Variants in SDCCAG8 observed in about 807,000 individuals in gnomAD.
SDCCAG8 encodes SHH signaling and ciliogenesis regulator SDCCAG8, also known as serologically defined colon cancer antigen 8.
A neutral mutation model predicts 101.8 loss-of-function variants in SDCCAG8; 74 were observed. The observed-to-expected ratio is 0.73, with a 90% CI of 0.60 to 0.88. The LOEUF is 0.88. Among genes scored for constraint, SDCCAG8 ranks in the 40% least tolerant of loss-of-function variants. The probability of loss-of-function intolerance (pLI) is 0.00; values close to 1 mark genes in which losing one functional copy is unlikely to be tolerated. For missense variants in SDCCAG8, 787 were observed against 822.6 expected (o/e 0.96, Z 0.53); for synonymous variants, 281 against 292.9 (o/e 0.96, Z 0.41).
At chr1:243,323,205 C>G (rs1347376112) in intron 9 of SDCCAG8, among the ~76,000 whole-genome samples, 1 of 151,840 alleles carries the variant, frequency 6.6e-6, no homozygotes. Context: ...GTTGTAGGTA[C>G]TGTTGAACAA....
chr1:243,432,421 T>C (rs930326181), intron 16 of SDCCAG8, among the ~76,000 whole-genome samples: 2 of 152,136 alleles, frequency 1.3e-5, no homozygotes, highest in African/African-American at 4.8e-5. Context: ...GACAAATAAC[T>C]AATGGGTACT....
At chr1:243,415,652 T>G in intron 13 of SDCCAG8, 50 bp from the exon 14 acceptor site, 2 of 1,612,876 alleles carry the variant, frequency 1.2e-6, no homozygotes, top group Non-Finnish European at 1.7e-6. Flanking sequence ...ATGATGGGGG[T>G]TTGTGCATCT....
chr1:243,293,370 A>T lies in SDCCAG8; in HGVS notation c.675+151A>T, dbSNP rs781758233. Reference sequence around the variant, plus strand: ...TATCTGCATTAAGTACATTCATGTCACTCAATCATAAACATTATCCATTTT... The same window carrying T: ...TATCTGCATTAAGTACATTCATGTCTCTCAATCATAAACATTATCCATTTT... On this transcript the variant is annotated intron_variant, in intron 6 of 17. Coordinates refer to ENST00000366541, the MANE Select transcript of SDCCAG8 (RefSeq NM_006642.5). The T allele has an allele frequency of 1.7e-5, 14 of 820,732 alleles. No individual in the cohort carries two copies. The South Asian group carries it at 2.0e-4, about 12-fold the overall frequency. The allele number at this position is 820,732 out of a possible 1,614,324, so 50.8% of individuals were successfully genotyped here.
chr1:243,260,777 A>G (rs73118303), intron 1 of SDCCAG8, among the ~76,000 whole-genome samples: 8,349 of 152,242 alleles, frequency 0.055, 751 homozygotes, highest in African/African-American at 0.19. Flanking sequence ...ATGATTTTCT[A>G]TATACATTTT....
chr1:243,294,526 A>AG (rs1553298249), intron 6 of SDCCAG8, among the ~76,000 whole-genome samples: 5 of 147,652 alleles, frequency 3.4e-5, no homozygotes, highest in Admixed American at 6.8e-5. Flanking sequence ...AGAGAGAGAG[A>AG]ACAACCCACC....
At chr1:243,290,269 C>T (rs1330411798) in intron 5 of SDCCAG8, among the ~76,000 whole-genome samples, 3 of 147,066 alleles carry the variant, frequency 2.0e-5, no homozygotes, top group Admixed American at 6.9e-5. Flanking sequence ...AAGGATTTAA[C>T]ATACTTAGGT....
At chr1:243,440,109 T>C (rs768740455) in intron 16 of SDCCAG8, among the ~76,000 whole-genome samples, 1 of 152,194 alleles carries the variant, frequency 6.6e-6, no homozygotes, top group Non-Finnish European at 1.5e-5. Context: ...CTGTTGACCT[T>C]GTGCAAGTTA....
At chr1:243,429,926 C>A (rs552945674) in intron 16 of SDCCAG8, among the ~76,000 whole-genome samples, 109 of 152,064 alleles carry the variant, frequency 7.2e-4, no homozygotes, top group African/African-American at 2.6e-3. Flanking sequence ...TGGTCTCAAA[C>A]TCCTGACCTG....
intron 3 of SDCCAG8, among the ~76,000 whole-genome samples, chr1:243,273,676 A>G (rs2068281497): frequency 6.6e-6 from 1 of 152,184 alleles, no homozygotes; most frequent in African/African-American, 2.4e-5. Context: ...CTTGGCATCA[A>G]ACGCTTCCTA....
Position 243,412,830 on chromosome 1 carries a change from G to A in SDCCAG8, c.1617-2872G>A, listed in dbSNP as rs184326798. ...CTTCAAATTCTTTGTGACCCTTGGG[G>A]ATTTTTAAGTAGGTTTTTTTTTTCC... On this transcript the variant is annotated intron_variant, in intron 13 of 17. Coordinates refer to ENST00000366541, the MANE Select transcript of SDCCAG8 (RefSeq NM_006642.5). Among the ~76,000 whole-genome samples, 6 of 137,114 alleles carry A rather than the reference G, an allele frequency of 4.4e-5. No homozygotes were observed. The Admixed American group carries it at 4.9e-4, about 11-fold the overall frequency. The allele number at this position is 137,114 out of a possible 152,430, so 90.0% of individuals were successfully genotyped here.
Position 243,290,583 on chromosome 1 carries a change from A to G in SDCCAG8, c.547-2508A>G, listed in dbSNP as rs115324984. Reference sequence around the variant, plus strand: ...TCTCAAGTCCCTTACTTGATTCTTTAGCTTCATCTTCTGACATTCATCACC... The same window carrying G: ...TCTCAAGTCCCTTACTTGATTCTTTGGCTTCATCTTCTGACATTCATCACC... On this transcript the variant is annotated intron_variant, in intron 5 of 17. Coordinates refer to ENST00000366541, the MANE Select transcript of SDCCAG8 (RefSeq NM_006642.5). Among the ~76,000 whole-genome samples, 244 of 152,218 alleles carry G rather than the reference A, an allele frequency of 1.6e-3. 1 individual carries two copies. The highest frequency in any genetic ancestry group is 5.6e-3 in the African/African-American group (233 of 41,534).
chr1:243,416,287 GC>G lies in SDCCAG8; in HGVS notation c.1744+460del, dbSNP rs1327305885. Among the ~76,000 whole-genome samples, 1 of 152,152 alleles carries G rather than the reference GC, an allele frequency of 6.6e-6. No individual in the cohort carries two copies. The highest frequency in any genetic ancestry group is 2.4e-5 in the African/African-American group (1 of 41,438). Reference sequence around the variant, plus strand: ...TACACACATTATAGCTACTCTAAAAGCCTAATGAGTTTGCTTCAGCATCCAA... The same window carrying G: ...TACACACATTATAGCTACTCTAAAAGCTAATGAGTTTGCTTCAGCATCCAA... On this transcript the variant is annotated intron_variant, in intron 14 of 17. Transcript: ENST00000366541. This position sits in a 1 kb window ranked among gnomAD's most constrained non-coding sequence, Gnocchi z 4.3.
At chr1:243,273,865 A>G (rs2068295640) in intron 3 of SDCCAG8, among the ~76,000 whole-genome samples, 1 of 152,142 alleles carries the variant, frequency 6.6e-6, no homozygotes. Context: ...GCATTTTTCC[A>G]TTCACTATAT....
chr1:243,313,911 T>C (rs973603272), intron 8 of SDCCAG8, among the ~76,000 whole-genome samples: 3 of 152,094 alleles, frequency 2.0e-5, no homozygotes, highest in Admixed American at 6.6e-5. Context: ...ATAAGTGGGC[T>C]AAAAAATGAA....
intron 13 of SDCCAG8, among the ~76,000 whole-genome samples, chr1:243,409,679 G>A (rs916885931): frequency 2.0e-5 from 3 of 152,050 alleles, no homozygotes. Context: ...ACCTTGAAAG[G>A]GTTCCCCCTG....
chr1:243,481,344 T>A (rs1258765658), intron 16 of SDCCAG8, among the ~76,000 whole-genome samples: 1 of 152,158 alleles, frequency 6.6e-6, no homozygotes, highest in Non-Finnish European at 1.5e-5. Context: ...GTGGCTTAGG[T>A]AATCCTGGCT....
chr1:243,499,615 A>G (rs1669000398), intron 17 of SDCCAG8, 141 bp from the exon 18 acceptor site: 1 of 731,664 alleles, frequency 1.4e-6, no homozygotes, highest in South Asian at 1.5e-5. Flanking sequence ...AACTTTTCAT[A>G]TAATTTCCAC....
At chr1:243,483,668 G>A (rs1664231052) in intron 16 of SDCCAG8, among the ~76,000 whole-genome samples, 1 of 152,112 alleles carries the variant, frequency 6.6e-6, no homozygotes, top group Admixed American at 6.5e-5. Context: ...GGCTCCGCAG[G>A]GCGCTCCGCC....
At chr1:243,469,053 T>A (rs906195135) in intron 16 of SDCCAG8, among the ~76,000 whole-genome samples, 35 of 152,242 alleles carry the variant, frequency 2.3e-4, no homozygotes, top group Non-Finnish European at 4.3e-4. Flanking sequence ...AGGATAGGCT[T>A]ACAAGGATTT....
Sources: allele counts gnomAD v4.1 joint callset (sites outside exome capture counted in the v4.1 genomes callset), GRCh38; gene constraint gnomAD v4.1.1; non-coding constraint Gnocchi (gnomAD v3.1); transcripts MANE v1.5; gene names NCBI Gene and HGNC (gene_info 2026-07-23, HGNC 2026-07-21).